The following PLIN2 variants were observed in gnomAD, a reference collection of about 807,000 sequenced individuals.
PLIN2 encodes the protein perilipin 2.
A neutral mutation model predicts 30.6 loss-of-function variants in PLIN2; 33 were observed. The ratio of observed to expected loss-of-function variants is 1.08; its 90% CI spans 0.82 to 1.44. PLIN2 has a LOEUF of 1.44. Among genes scored for constraint, PLIN2 ranks in the 40% most tolerant of loss-of-function variants. PLIN2 has a pLI of 0.00. For synonymous variants in PLIN2, 205 were observed against 201.1 expected, an observed-to-expected ratio of 1.02 and a Z score of -0.16; for missense variants, 610 against 531.8, an observed-to-expected ratio of 1.15 and a Z score of -1.45.
Position 19,119,084 on chromosome 9 carries a change from C to A in PLIN2, c.777+566G>T, listed in dbSNP as rs944533182. Reference sequence around the variant, plus strand: ...GACCTTCCTCTTCCCTGTTGCCAACCACTATTTCCCCTTCTAAGAAGAAAT... The same window carrying A: ...GACCTTCCTCTTCCCTGTTGCCAACAACTATTTCCCCTTCTAAGAAGAAAT... On this transcript the variant is annotated intron_variant, in intron 6 of 7. Coordinates refer to ENST00000276914, the MANE Select transcript of PLIN2 (RefSeq NM_001122.4). Among the ~76,000 whole-genome samples the A allele has an allele frequency of 2.6e-5, 4 of 152,210 alleles. No homozygotes were observed. The East Asian group carries it at 7.7e-4, about 29-fold the overall frequency.
chr9:19,115,554 A>T (rs554296984), downstream of PLIN2, among the ~76,000 whole-genome samples: 1 of 151,822 alleles, frequency 6.6e-6, no homozygotes. Flanking sequence ...TGATCCGCCC[A>T]CCTCAGCCTC....
rs777583151 is a variant in PLIN2 at position 19,126,223 on chromosome 9, C to G, written c.117G>C (p.Gln39His). ...CACACACAGACTTCAGGTAGGGATACTGGTCCTTTGTACTGAGATAGGCTG... is the reference window on the plus strand; with the variant it reads ...CACACACAGACTTCAGGTAGGGATAGTGGTCCTTTGTACTGAGATAGGCTG... ...MSSAYLSTKD[Q>H]YPYLKSVCEM... is the part of the protein sequence containing the mutation. Residue 39 changes from glutamine (Q) to histidine (H), a missense_variant, in exon 3 of 8, where the codon CAG (glutamine) becomes CAC (histidine). By Grantham distance (24) the Gln-to-His change is conservative. Coordinates refer to ENST00000276914, the MANE Select transcript of PLIN2 (RefSeq NM_001122.4). 4 of 1,614,166 alleles carry G rather than the reference C, an allele frequency of 2.5e-6. No individual in the cohort carries two copies. In the East Asian group the frequency reaches 6.7e-5, roughly 27 times the overall value.
intron 6 of PLIN2, among the ~76,000 whole-genome samples, chr9:19,119,239 T>C (rs1818276041): frequency 6.6e-6 from 1 of 152,230 alleles, no homozygotes; most frequent in African/African-American, 2.4e-5. Flanking sequence ...TGTTATAGTC[T>C]CTTGCAACTT....
Position 19,119,852 on chromosome 9 carries a change from C to A in PLIN2, c.596-21G>T, listed in dbSNP as rs1564030394. On this transcript the variant is annotated intron_variant, in intron 5 of 7. Transcript: ENST00000276914. Reference sequence around the variant, plus strand: ...TTTTTCTGAAGTTAGAAATAAGAGACAAAAAAACTTAAGGGATCACAGTGA... The same window carrying A: ...TTTTTCTGAAGTTAGAAATAAGAGAAAAAAAAACTTAAGGGATCACAGTGA... 15 of 1,521,170 alleles carry A rather than the reference C, an allele frequency of 9.9e-6. No individual in the cohort carries two copies. In the Admixed American group the frequency reaches 1.4e-4, roughly 14 times the overall value. The allele number at this position is 1,521,170 out of a possible 1,614,324, so 94.2% of individuals were successfully genotyped here.
intron 7 of PLIN2, 74 bp from the exon 8 acceptor site, chr9:19,116,723 G>T: frequency 7.9e-7 from 1 of 1,262,592 alleles, no homozygotes; most frequent in Non-Finnish European, 1.1e-6. Context: ...CAGTAGGCTG[G>T]TTATGTGTCC....
At position 19,126,072 on chromosome 9, in the gene PLIN2, T is replaced by C. The variant is rs754175294; in HGVS notation, c.226+42A>G. ...TGCTGTGAGCTCAGGGGCTCGCCACTGACCAGTCCCTTGACTTGCATCTTG... is the reference window on the plus strand; with the variant it reads ...TGCTGTGAGCTCAGGGGCTCGCCACCGACCAGTCCCTTGACTTGCATCTTG... On this transcript the variant is annotated intron_variant, in intron 3 of 7. Transcript: ENST00000276914. 11 of 1,569,644 alleles carry C rather than the reference T, an allele frequency of 7.0e-6. No homozygotes were observed. The African/African-American group carries it at 1.1e-4, about 15-fold the overall frequency.
downstream of PLIN2, among the ~76,000 whole-genome samples, chr9:19,115,133 A>C (rs572698462): frequency 5.9e-5 from 9 of 152,300 alleles, no homozygotes; most frequent in Middle Eastern, 3.4e-3. Context: ...AGACATGACT[A>C]GGCCCTTTTA....
intron 4 of PLIN2, among the ~76,000 whole-genome samples, chr9:19,122,273 A>G (rs1279596942): frequency 6.6e-6 from 1 of 152,200 alleles, no homozygotes; most frequent in Non-Finnish European, 1.5e-5. Context: ...AAACCTACCT[A>G]TAGTTGTGTA....
chr9:19,123,123 TG>T (rs1818344903), intron 4 of PLIN2: 1 of 505,788 alleles, frequency 2.0e-6, no homozygotes, highest in Non-Finnish European at 3.5e-6. Flanking sequence ...GGACATTATC[TG>T]AACCAAAGGA....
intron 1 of PLIN2, among the ~76,000 whole-genome samples, chr9:19,126,831 CAGG>C (rs1313463528): frequency 1.3e-5 from 2 of 152,168 alleles, no homozygotes; most frequent in Non-Finnish European, 2.9e-5. Flanking sequence ...TGCTTGATGT[CAGG>C]AGTTCAAGAC....
intron 3 of PLIN2, 100 bp from the exon 4 acceptor site, chr9:19,123,747 A>G (rs10963972): frequency 0.63 from 628,298 of 999,632 alleles, 199,544 homozygotes; most frequent in Non-Finnish European, 0.66. Flanking sequence ...TGGGCTGGGC[A>G]CGGTGGCTCA....
At chr9:19,114,167 G>A (rs149126649), downstream of PLIN2, among the ~76,000 whole-genome samples, 6,090 of 152,000 alleles carry the variant, frequency 0.04, 182 homozygotes, top group Non-Finnish European at 0.057. Context: ...TCTCCACCTC[G>A]GCCTCCCAAA....
chr9:19,126,183 C>CGTTA lies in PLIN2; in HGVS notation c.156_157insTAAC (p.Gly53Ter). On this transcript the variant is annotated stop_gained and frameshift_variant, in exon 3 of 8. Coordinates refer to ENST00000276914, the MANE Select transcript of PLIN2 (RefSeq NM_001122.4). LOFTEE classifies it high-confidence loss of function. Reference sequence around the variant, plus strand: ...GCCACGGAGGTGATGGTCTTCACACCGTTCTCTGCCATCTCACACACAGAC... The same window carrying CGTTA: ...GCCACGGAGGTGATGGTCTTCACACCGTTAGTTCTCTGCCATCTCACACACAGAC... 1.9e-6 allele frequency: 3 copies of CGTTA among 1,614,132 alleles called. No individual in the cohort carries two copies. Among genetic ancestry groups the CGTTA allele is most frequent in the Non-Finnish European group, 2.5e-6 (3 of 1,180,020 alleles).
At chr9:19,118,503 C>T (rs767381655) in intron 6 of PLIN2, 48 bp from the exon 7 acceptor site, 32 of 1,565,706 alleles carry the variant, frequency 2.0e-5, no homozygotes, top group East Asian at 4.5e-5. Flanking sequence ...CAGATATTCA[C>T]GTTAGCCTGT....
Position 19,127,032 on chromosome 9 carries a change from A to T in PLIN2, c.-23+387T>A, listed in dbSNP as rs1818412808. Among the ~76,000 whole-genome samples, 1 of 148,152 alleles carries T rather than the reference A, an allele frequency of 6.7e-6. No homozygotes were observed. Among genetic ancestry groups the T allele is most frequent in the Non-Finnish European group, 1.5e-5 (1 of 67,446 alleles). ...ACTCCAGCCTGGGCGACAGAGCGAG[A>T]CTCCGTCAAAAAAAAAATGCGGTTT... On this transcript the variant is annotated intron_variant, in intron 1 of 7. Coordinates refer to ENST00000276914, the MANE Select transcript of PLIN2 (RefSeq NM_001122.4). This position sits in a 1 kb window ranked among gnomAD's most constrained non-coding sequence, Gnocchi z 4.3.
chr9:19,123,271 A>C, intron 4 of PLIN2: 3 of 1,254,952 alleles, frequency 2.4e-6, no homozygotes, highest in Non-Finnish European at 3.3e-6. Context: ...TAATACCACA[A>C]GACAATCAGT....
At chr9:19,125,844 A>G in intron 3 of PLIN2, 1 of 300,332 alleles carries the variant, frequency 3.3e-6, no homozygotes, top group Non-Finnish European at 6.2e-6. Flanking sequence ...AATCACTTGA[A>G]CCCAGCAGGC....
downstream of PLIN2, among the ~76,000 whole-genome samples, chr9:19,111,024 A>ATCACT (rs1276714258): frequency 6.6e-6 from 1 of 151,876 alleles, no homozygotes; most frequent in Admixed American, 6.6e-5. Context: ...CTGCCTTCCT[A>ATCACT]TCACTTCACT....
chr9:19,115,235 T>G (rs576147192), downstream of PLIN2, among the ~76,000 whole-genome samples: 6 of 152,296 alleles, frequency 3.9e-5, no homozygotes, highest in South Asian at 1.2e-3. Context: ...GCACATTAGC[T>G]TTTAATTTGT....
Sources: gnomAD v4.1 joint callset for allele counts (sites outside exome capture counted in the v4.1 genomes callset) on GRCh38, gnomAD v4.1.1 for gene constraint, Gnocchi (gnomAD v3.1) non-coding constraint, MANE v1.5 for transcripts, NCBI Gene and HGNC (gene_info 2026-07-23, HGNC 2026-07-21) for gene names.